Variants in MED27 observed in about 807,000 individuals in gnomAD.
MED27 encodes the protein mediator complex subunit 27.
A neutral mutation model predicts 38.2 loss-of-function variants in MED27; 30 were observed. The ratio of observed to expected loss-of-function variants is 0.79; its 90% confidence interval spans 0.59 to 1.07. MED27 has a LOEUF of 1.07. Ranked by LOEUF, MED27 falls within the 50% of genes least tolerant of loss-of-function variation. MED27 has a pLI of 0.00. For synonymous variants in MED27, 122 were observed against 153.5 expected, an observed-to-expected ratio of 0.79 and a Z score of 1.52; for missense variants, 289 against 397.5, an observed-to-expected ratio of 0.73 and a Z score of 2.32.
chr9:131,995,383 C>G (rs1268235027), intron 3 of MED27, among the ~76,000 whole-genome samples: 1 of 152,052 alleles, frequency 6.6e-6, no homozygotes, highest in Admixed American at 6.6e-5. Context: ...CTTATTAAAG[C>G]TGATCTAGTT....
intron 4 of MED27, among the ~76,000 whole-genome samples, chr9:131,901,452 G>A (rs117959219): frequency 0.026 from 3,900 of 152,216 alleles, 70 homozygotes; most frequent in South Asian, 0.061. Flanking sequence ...CCTTAAAGAA[G>A]GTAACAAAAT....
At chr9:132,046,644 G>C (rs560725684) in intron 2 of MED27, among the ~76,000 whole-genome samples, 6 of 152,098 alleles carry the variant, frequency 3.9e-5, no homozygotes, top group African/African-American at 9.7e-5. Context: ...CCAAGCAATC[G>C]TAGCAGTGGT....
At chr9:131,968,790 T>C (rs943942041) in intron 3 of MED27, among the ~76,000 whole-genome samples, 1 of 151,966 alleles carries the variant, frequency 6.6e-6, no homozygotes, top group African/African-American at 2.4e-5. Flanking sequence ...CAGCAGGAGG[T>C]GAGTGGTGGG....
intron 4 of MED27, among the ~76,000 whole-genome samples, chr9:131,927,594 T>C (rs1830504860): frequency 6.6e-6 from 1 of 152,308 alleles, no homozygotes; most frequent in East Asian, 1.9e-4. Flanking sequence ...GGGTTCACAA[T>C]TGTGAAGGGG....
At chr9:131,961,090 G>C (rs559217281) in intron 3 of MED27, among the ~76,000 whole-genome samples, 21 of 152,308 alleles carry the variant, frequency 1.4e-4, no homozygotes, top group Admixed American at 2.0e-4. Context: ...TCATTAGAGA[G>C]GTCTCTGCTG....
chr9:131,996,038 T>C (rs76077292), intron 3 of MED27, among the ~76,000 whole-genome samples: 93 of 152,302 alleles, frequency 6.1e-4, no homozygotes, highest in African/African-American at 2.1e-3. Context: ...AAAGCCCAAG[T>C]CTGGATCCCC....
chr9:132,048,043 C>T (rs1371889826), intron 2 of MED27, among the ~76,000 whole-genome samples: 1 of 152,168 alleles, frequency 6.6e-6, no homozygotes, highest in African/African-American at 2.4e-5. Flanking sequence ...TCAAAAACTG[C>T]AACCTCAGGT....
At chr9:132,050,595 C>G (rs1023498092) in intron 2 of MED27, among the ~76,000 whole-genome samples, 1 of 152,324 alleles carries the variant, frequency 6.6e-6, no homozygotes, top group East Asian at 1.9e-4. Context: ...CCTTTTGTGA[C>G]AGCAAGAAAT....
At chr9:131,999,864 TG>T (rs1248276896) in intron 3 of MED27, among the ~76,000 whole-genome samples, 1 of 151,996 alleles carries the variant, frequency 6.6e-6, no homozygotes, top group Non-Finnish European at 1.5e-5. Context: ...AAGCAAAACT[TG>T]GAGTGTTTGG....
At chr9:131,941,527 G>T (rs1390368162) in intron 3 of MED27, among the ~76,000 whole-genome samples, 10 of 152,070 alleles carry the variant, frequency 6.6e-5, no homozygotes, top group Non-Finnish European at 1.5e-5. Flanking sequence ...AAGAAGGAAG[G>T]GGAAAAATTA....
chr9:132,062,109 G>T (rs762796262), intron 2 of MED27, among the ~76,000 whole-genome samples: 1 of 152,118 alleles, frequency 6.6e-6, no homozygotes, highest in Non-Finnish European at 1.5e-5. Flanking sequence ...TCAAAAATAC[G>T]CCCAATTAAA....
chr9:132,071,931 T>C (rs985242927), intron 2 of MED27, among the ~76,000 whole-genome samples: 1 of 151,476 alleles, frequency 6.6e-6, no homozygotes, highest in African/African-American at 2.4e-5. Flanking sequence ...ACCCCATAAA[T>C]GAGTACAGAG....
At position 131,966,383 on chromosome 9, in the gene MED27, C is replaced by CAAAAAAAAAAAAAAAAAAAAAAAA. The variant is rs749607968; in HGVS notation, c.480-26910_480-26909insTTTTTTTTTTTTTTTTTTTTTTTT. Among the ~76,000 whole-genome samples the CAAAAAAAAAAAAAAAAAAAAAAAA allele has an allele frequency of 9.5e-3, 348 of 36,706 alleles. 66 individuals carry two copies. Among genetic ancestry groups the CAAAAAAAAAAAAAAAAAAAAAAAA allele is most frequent in the African/African-American group, 0.019 (121 of 6,268 alleles). 24.1% of individuals were successfully genotyped at this position (36,706 alleles called of 152,430 possible). A position where few individuals can be genotyped will look rare whatever the true frequency, so the allele number is the denominator to read the frequency against. On this transcript the variant is annotated intron_variant, in intron 3 of 7. Coordinates refer to ENST00000292035, the MANE Select transcript of MED27 (RefSeq NM_004269.4). ...CAGGCAAAAGAGCCAGACCCTGTCA[C>CAAAAAAAAAAAAAAAAAAAAAAAA]AAAAAAAAAAAAAAAAAGGAAAGGA...
intron 2 of MED27, among the ~76,000 whole-genome samples, chr9:132,055,685 C>T (rs914257029): frequency 2.0e-5 from 3 of 152,144 alleles, no homozygotes; most frequent in African/African-American, 7.2e-5. Context: ...GGACTAATAT[C>T]AGTATTGAGA....
At position 131,960,243 on chromosome 9, in the gene MED27, A is replaced by G. The variant is rs1037549302; in HGVS notation, c.480-20769T>C. 7.9e-5 allele frequency among the ~76,000 whole-genome samples: 12 copies of G among 152,262 alleles called. No homozygotes were observed. The East Asian group carries it at 2.1e-3, about 27-fold the overall frequency. On this transcript the variant is annotated intron_variant, in intron 3 of 7. Coordinates refer to ENST00000292035, the MANE Select transcript of MED27 (RefSeq NM_004269.4). ...GTCTTCGAATTCTTAAATTTCAGAC[A>G]CCCACTCTTGTAAACAGGAGATCTG...
intron 3 of MED27, among the ~76,000 whole-genome samples, chr9:131,992,593 G>T (rs1325969519): frequency 6.6e-6 from 1 of 152,050 alleles, no homozygotes; most frequent in Non-Finnish European, 1.5e-5. Flanking sequence ...TAGAGATGGG[G>T]ATCTAACTAC....
intron 2 of MED27, among the ~76,000 whole-genome samples, chr9:132,062,334 A>C (rs886380488): frequency 4.6e-5 from 7 of 152,254 alleles, no homozygotes; most frequent in Non-Finnish European, 8.8e-5. Flanking sequence ...GGCCTGCAGA[A>C]GCACATAGGA....
chr9:131,984,733 T>C (rs778859485), intron 3 of MED27, among the ~76,000 whole-genome samples: 1 of 152,204 alleles, frequency 6.6e-6, no homozygotes, highest in Non-Finnish European at 1.5e-5. Context: ...TGGTCTGCTG[T>C]GAACTCCTGA....
At chr9:131,962,948 C>T (rs1831248152) in intron 3 of MED27, among the ~76,000 whole-genome samples, 1 of 152,210 alleles carries the variant, frequency 6.6e-6, no homozygotes, top group Admixed American at 6.5e-5. Context: ...TTTCATTCCA[C>T]AGATGTGGAC....
Sources: allele counts gnomAD v4.1 joint callset (sites outside exome capture counted in the v4.1 genomes callset), GRCh38; gene constraint gnomAD v4.1.1; transcripts MANE v1.5; gene names NCBI Gene and HGNC (gene_info 2026-07-23, HGNC 2026-07-21).